The following CASQ1 variants were observed in gnomAD, a reference collection of about 807,000 sequenced individuals.
CASQ1 encodes calsequestrin-1.
A neutral mutation model predicts 49.5 loss-of-function variants in CASQ1; 40 were observed. That is an observed-to-expected ratio of 0.81 (90% confidence interval 0.63 to 1.05). The LOEUF is 1.05. Among genes scored for constraint, CASQ1 ranks in the 50% least tolerant of loss-of-function variants. CASQ1 has a pLI of 0.00. For synonymous variants in CASQ1, 174 were observed against 187.2 expected (o/e 0.93, Z 0.58); for missense variants, 469 against 486.9 (o/e 0.96, Z 0.35).
chr1:160,195,435 G>C, intron 4 of CASQ1, 26 bp from the exon 5 acceptor site: 1 of 1,608,676 alleles, frequency 6.2e-7, no homozygotes, highest in Non-Finnish European at 8.5e-7. Flanking sequence ...TTTCCCCAGA[G>C]ACTGACTCTG....
In CASQ1 at chr1:160,201,416, A is replaced by G. The variant is rs1181324885; in HGVS notation, c.*40A>G. ...ATCTTTCAGCCCCACTGGTCTTTTCATGCTCTCTCCTGCCTTCCCTTGTCC... is the reference window on the plus strand; with the variant it reads ...ATCTTTCAGCCCCACTGGTCTTTTCGTGCTCTCTCCTGCCTTCCCTTGTCC... On this transcript the variant is annotated 3_prime_UTR_variant, in exon 11 of 11. Transcript: ENST00000368078. The G allele has an allele frequency of 1.2e-6, 2 of 1,608,958 alleles. No individual in the cohort carries two copies. Among genetic ancestry groups the G allele is most frequent in the South Asian group, 1.1e-5 (1 of 90,364 alleles).
intron 6 of CASQ1, 33 bp downstream of exon 6, chr1:160,196,060 C>G: frequency 6.2e-7 from 1 of 1,609,218 alleles, no homozygotes; most frequent in Non-Finnish European, 8.5e-7. Flanking sequence ...TCAGCGGGGT[C>G]GGCTCCTCCT....
chr1:160,199,589 A>G (rs1217190078), intron 9 of CASQ1, among the ~76,000 whole-genome samples: 10 of 152,212 alleles, frequency 6.6e-5, no homozygotes, highest in Non-Finnish European at 7.3e-5. Context: ...CAGGATCAGA[A>G]CAGGGTTTCC....
Position 160,190,686 on chromosome 1 carries a change from G to T in CASQ1, c.-66G>T. 1 of 1,521,410 alleles carries T rather than the reference G, an allele frequency of 6.6e-7. No homozygotes were observed. Among genetic ancestry groups the T allele is most frequent in the East Asian group, 2.3e-5 (1 of 43,128 alleles). 94.2% of individuals were successfully genotyped at this position (1,521,410 alleles called of 1,614,324 possible). A position where few individuals can be genotyped will look rare whatever the true frequency, so the allele number is the denominator to read the frequency against. On this transcript the variant is annotated 5_prime_UTR_variant, in exon 1 of 11. Transcript: ENST00000368078. The stretch of plus-strand genomic sequence containing the variant: ...CCCTAACTCAGAATCTGGGACCCAG[G>T]GGCCCCTCCCTACCCCAGCTAACCT...
chr1:160,199,014 T>C lies in CASQ1; in HGVS notation c.945T>C (p.Asp315=), dbSNP rs1306902542. The change falls in exon 9 of 11, where the codon GAT becomes GAC. Residue 315 remains aspartate, a synonymous_variant. Coordinates refer to ENST00000368078, the MANE Select transcript of CASQ1 (RefSeq NM_001231.5). The stretch of plus-strand genomic sequence containing the variant: ...CCCAAGATAACACTGAAAACCCAGA[T>C]CTTAGCATCATCTGGATTGACCCTG... ...AVAQDNTENP[D]LSIIWIDPDD... is the part of the protein sequence containing the mutation. 2 of 1,613,314 alleles carry C rather than the reference T, an allele frequency of 1.2e-6. No homozygotes were observed. The highest frequency in any genetic ancestry group is 2.7e-5 in the African/African-American group (2 of 74,906).
At chr1:160,193,403 TG>T (rs1217786607) in intron 2 of CASQ1, among the ~76,000 whole-genome samples, 4 of 151,994 alleles carry the variant, frequency 2.6e-5, no homozygotes, top group Non-Finnish European at 5.9e-5. Flanking sequence ...TCAGAGGGGG[TG>T]GCATGAATAC....
In CASQ1 at chr1:160,199,055, TA is replaced by T; in HGVS notation, c.984+4del. 6.4e-7 allele frequency: 1 copy of T among 1,557,290 alleles called. No homozygotes were observed. Among genetic ancestry groups the T allele is most frequent in the Non-Finnish European group, 8.9e-7 (1 of 1,128,130 alleles). ...ATTGACCCTGATGACTTCCCCCTGG[TA>T]AGAGGCACAGCTCAGGCACTGCTAT... On this transcript the variant is annotated splice_donor_region_variant and intron_variant, in intron 9 of 10. Transcript: ENST00000368078.
chr1:160,200,018 T>G, intron 10 of CASQ1, 93 bp downstream of exon 10: 4 of 829,876 alleles, frequency 4.8e-6, no homozygotes, highest in South Asian at 1.4e-5. Flanking sequence ...AGTTGGGCCC[T>G]TCTCACAGGA....
At chr1:160,199,173 GGGTATGCGTGTTGC>G in intron 9 of CASQ1, 120 bp downstream of exon 9, 1 of 716,148 alleles carries the variant, frequency 1.4e-6, no homozygotes, top group Non-Finnish European at 2.5e-6. Flanking sequence ...GGCCCTGGGA[GGGTATGCGTGTTGC>G]ATGCTTAAGG....
At position 160,195,124 on chromosome 1, in the gene CASQ1, G is replaced by T. The variant is rs763795456; in HGVS notation, c.577+1G>T. 6.3e-6 allele frequency: 10 copies of T among 1,589,402 alleles called. No homozygotes were observed. Among genetic ancestry groups the T allele is most frequent in the South Asian group, 1.1e-5 (1 of 89,342 alleles). ...TACTTCAAGAGCAAAGACTCAGAGC[G>T]TGGGTAACCCTCAGACTCCACTGTG... On this transcript the variant is annotated splice_donor_variant, in intron 4 of 10. Coordinates refer to ENST00000368078, the MANE Select transcript of CASQ1 (RefSeq NM_001231.5). LOFTEE classifies it high-confidence loss of function.
intron 9 of CASQ1, 60 bp downstream of exon 9, chr1:160,199,113 C>A: frequency 9.5e-7 from 1 of 1,054,822 alleles, no homozygotes; most frequent in Admixed American, 1.7e-5. Context: ...GTGACATCTT[C>A]TTAGTGAGGG....
At chr1:160,191,232 T>A (rs1019026338) in intron 1 of CASQ1, among the ~76,000 whole-genome samples, 1 of 152,100 alleles carries the variant, frequency 6.6e-6, no homozygotes, top group Admixed American at 6.5e-5. Flanking sequence ...AAAAGTACTA[T>A]CAGCGTCAGG....
intron 5 of CASQ1, 22 bp from the exon 6 acceptor site, chr1:160,195,875 C>T (rs757411007): frequency 1.9e-6 from 3 of 1,612,434 alleles, no homozygotes; most frequent in Non-Finnish European, 1.7e-6. Flanking sequence ...GCTCCACTCC[C>T]CTCCTACCCC....
At chr1:160,193,615 G>A (rs1387218058) in intron 2 of CASQ1, 132 bp from the exon 3 acceptor site, 8 of 585,476 alleles carry the variant, frequency 1.4e-5, no homozygotes, top group Non-Finnish European at 2.4e-5. Flanking sequence ...GGGGCAACGG[G>A]CCCATGAGGT....
At chr1:160,196,174 T>G in intron 6 of CASQ1, 147 bp downstream of exon 6, 2 of 664,430 alleles carry the variant, frequency 3.0e-6, no homozygotes, top group East Asian at 3.0e-5. Flanking sequence ...TGCTCTCTGA[T>G]ACACTGACAA....
Position 160,198,749 on chromosome 1 carries a change from G to C in CASQ1, c.883+18G>C. ...TGATCCTGGTGAGGGAGGAATACCG[G>C]GTTGGACTGGAGGGAAGGCAGGGGG... On this transcript the variant is annotated intron_variant, in intron 8 of 10. Coordinates refer to ENST00000368078, the MANE Select transcript of CASQ1 (RefSeq NM_001231.5). 2.5e-6 allele frequency: 4 copies of C among 1,610,348 alleles called. No individual in the cohort carries two copies. The highest frequency in any genetic ancestry group is 3.4e-6 in the Non-Finnish European group (4 of 1,176,564).
At chr1:160,199,755 C>G in intron 9 of CASQ1, 96 bp from the exon 10 acceptor site, 1 of 823,030 alleles carries the variant, frequency 1.2e-6, no homozygotes, top group Non-Finnish European at 2.1e-6. Context: ...TTCGCACTGT[C>G]CCCTCTCCAT....
chr1:160,192,555 AGT>A (rs1654101757), intron 1 of CASQ1: 1 of 454,016 alleles, frequency 2.2e-6, no homozygotes, highest in Admixed American at 3.6e-5. Flanking sequence ...TATTGAGTGC[AGT>A]GTCTTCAAGT....
chr1:160,194,364 C>T (rs999175500), intron 3 of CASQ1, among the ~76,000 whole-genome samples: 2 of 149,076 alleles, frequency 1.3e-5, no homozygotes, highest in Non-Finnish European at 3.0e-5. Context: ...ACACATATGC[C>T]ACACATGCAC....
Sources: allele counts gnomAD v4.1 joint callset (sites outside exome capture counted in the v4.1 genomes callset), GRCh38; gene constraint gnomAD v4.1.1; transcripts MANE v1.5; gene names NCBI Gene and HGNC (gene_info 2026-07-23, HGNC 2026-07-21).